The following ADGRB3 variants were observed in gnomAD, a reference collection of about 807,000 sequenced individuals.
ADGRB3 encodes brain-specific angiogenesis inhibitor 3.
A neutral mutation model predicts 193.4 loss-of-function variants in ADGRB3; 37 were observed. The ratio of observed to expected loss-of-function variants is 0.19; its 90% confidence interval spans 0.15 to 0.25. ADGRB3 has a LOEUF of 0.25. ADGRB3 is among the 10% of genes least tolerant of loss of function. The probability of loss-of-function intolerance (pLI) is 1.00; values close to 1 mark genes in which losing one functional copy is unlikely to be tolerated. For synonymous variants in ADGRB3, 690 were observed against 644.2 expected (o/e 1.07, Z -1.08); for missense variants, 1,637 against 1,852.9 (o/e 0.88, Z 2.14).
At chr6:68,994,546 A>G (rs1019483862) in intron 11 of ADGRB3, among the ~76,000 whole-genome samples, 1 of 152,208 alleles carries the variant, frequency 6.6e-6, no homozygotes. Flanking sequence ...ATTTATTTCC[A>G]TAATAAAGTT....
intron 3 of ADGRB3, among the ~76,000 whole-genome samples, chr6:68,874,809 A>C (rs1050589066): frequency 2.0e-5 from 3 of 152,194 alleles, no homozygotes; most frequent in Admixed American, 2.0e-4. Context: ...TTGTTCAGTT[A>C]AGCAGTCTAT....
At chr6:68,690,920 T>C (rs1182997373) in intron 3 of ADGRB3, among the ~76,000 whole-genome samples, 1 of 152,146 alleles carries the variant, frequency 6.6e-6, no homozygotes, top group Non-Finnish European at 1.5e-5. Context: ...GAAAAGACTA[T>C]ACAAATAACT....
chr6:69,354,348 C>A lies in ADGRB3; in HGVS notation c.3555+20C>A, dbSNP rs373257377. ...ATCATGGTGAGTTTTTATTTTTCCC[C>A]GATTGTTAATTAACTCATGATTTCT... is the stretch of plus-strand genomic sequence containing the variant. On this transcript the variant is annotated intron_variant, in intron 27 of 31. Transcript: ENST00000370598. 4 of 1,566,560 alleles carry A rather than the reference C, an allele frequency of 2.6e-6. No homozygotes were observed.
chr6:69,292,417 A>C (rs1321273224), intron 20 of ADGRB3, among the ~76,000 whole-genome samples: 2 of 152,210 alleles, frequency 1.3e-5, no homozygotes, highest in African/African-American at 2.4e-5. Flanking sequence ...AGCATCCTGT[A>C]TATTCTCCTT....
At chr6:69,000,444 C>T (rs79133340) in intron 11 of ADGRB3, among the ~76,000 whole-genome samples, 11,873 of 152,090 alleles carry the variant, frequency 0.078, 585 homozygotes, top group Non-Finnish European at 0.12. Context: ...AACTCATAGC[C>T]GACAGCACTT....
chr6:69,346,373 C>T (rs1769088887), intron 26 of ADGRB3, among the ~76,000 whole-genome samples: 1 of 152,146 alleles, frequency 6.6e-6, no homozygotes, highest in Non-Finnish European at 1.5e-5. Context: ...CAGCATGGTA[C>T]TGGTACCAAA....
chr6:69,265,157 C>T (rs1767012769), intron 20 of ADGRB3, among the ~76,000 whole-genome samples: 1 of 151,894 alleles, frequency 6.6e-6, no homozygotes, highest in African/African-American at 2.4e-5. Context: ...GCTGGGAGTC[C>T]TGAAAATCAA....
At chr6:68,727,318 A>C (rs910242992) in intron 3 of ADGRB3, among the ~76,000 whole-genome samples, 1 of 151,690 alleles carries the variant, frequency 6.6e-6, no homozygotes, top group Non-Finnish European at 1.5e-5. Flanking sequence ...GTAATGATAT[A>C]GTTGAAAACT....
intron 11 of ADGRB3, among the ~76,000 whole-genome samples, chr6:68,998,076 C>T (rs966301657): frequency 6.6e-6 from 1 of 152,086 alleles, no homozygotes; most frequent in African/African-American, 2.4e-5. Context: ...TATTTTTAAA[C>T]GTTAGTACAA....
At chr6:69,334,372 C>A (rs1367372031) in intron 24 of ADGRB3, among the ~76,000 whole-genome samples, 1 of 152,110 alleles carries the variant, frequency 6.6e-6, no homozygotes, top group Non-Finnish European at 1.5e-5. Flanking sequence ...TAGCAAAAGA[C>A]TAAATTTAAT....
intron 3 of ADGRB3, among the ~76,000 whole-genome samples, chr6:68,729,294 T>C (rs1461861490): frequency 1.3e-5 from 2 of 151,570 alleles, no homozygotes; most frequent in Admixed American, 6.6e-5. Context: ...TACCCCTGGA[T>C]AAGTAGTTAG....
In ADGRB3 at chr6:68,921,681, T is replaced by A. The variant is rs1767047448; in HGVS notation, c.758-8878T>A. The stretch of plus-strand genomic sequence containing the variant: ...AGGGAATGATGTAGTTCAAGTACAT[T>A]TATATCTTCTTGGGCAGTTTTAAAA... On this transcript the variant is annotated intron_variant, in intron 3 of 31. Transcript: ENST00000370598. Among the ~76,000 whole-genome samples, 4 of 152,176 alleles carry A rather than the reference T, an allele frequency of 2.6e-5. No homozygotes were observed. The South Asian group carries it at 8.3e-4, about 32-fold the overall frequency.
chr6:68,885,142 A>AT (rs1289020284), intron 3 of ADGRB3, among the ~76,000 whole-genome samples: 1 of 152,148 alleles, frequency 6.6e-6, no homozygotes, highest in Non-Finnish European at 1.5e-5. Context: ...TGGTCAGGGC[A>AT]TTTTTTGGGG....
Position 68,857,601 on chromosome 6 carries a change from C to T in ADGRB3, c.758-72958C>T, listed in dbSNP as rs114617965. Among the ~76,000 whole-genome samples, 408 of 152,262 alleles carry T rather than the reference C, an allele frequency of 2.7e-3. 2 individuals carry two copies. The highest frequency in any genetic ancestry group is 9.4e-3 in the African/African-American group (389 of 41,548). Reference sequence around the variant, plus strand: ...CAATGTCTCTGTACCTGCATTGTATCTAGGAAGTAACTAATTTTCTTTTTA... The same window carrying T: ...CAATGTCTCTGTACCTGCATTGTATTTAGGAAGTAACTAATTTTCTTTTTA... On this transcript the variant is annotated intron_variant, in intron 3 of 31. Coordinates refer to ENST00000370598, the MANE Select transcript of ADGRB3 (RefSeq NM_001704.3).
At chr6:69,226,851 C>G (rs925560430) in intron 17 of ADGRB3, among the ~76,000 whole-genome samples, 3 of 152,172 alleles carry the variant, frequency 2.0e-5, no homozygotes, top group African/African-American at 7.2e-5. Context: ...CCTGAGCTAC[C>G]TCACATAATA....
intron 3 of ADGRB3, among the ~76,000 whole-genome samples, chr6:68,693,109 T>C (rs1254880365): frequency 6.6e-6 from 1 of 151,812 alleles, no homozygotes; most frequent in Non-Finnish European, 1.5e-5. Flanking sequence ...GTTGGTAGTG[T>C]GGAAAACTGG....
At chr6:69,128,397 A>T (rs574785003) in intron 17 of ADGRB3, among the ~76,000 whole-genome samples, 8 of 152,242 alleles carry the variant, frequency 5.3e-5, no homozygotes, top group African/African-American at 1.9e-4. Context: ...CTGTTAGGGG[A>T]TCTTGTGGTC....
At chr6:69,165,852 T>G (rs1775117344) in intron 17 of ADGRB3, among the ~76,000 whole-genome samples, 1 of 152,102 alleles carries the variant, frequency 6.6e-6, no homozygotes, top group South Asian at 2.1e-4. Flanking sequence ...AGGGTATTGT[T>G]TTTATCTTTA....
chr6:68,889,199 T>C (rs891643072), intron 3 of ADGRB3, among the ~76,000 whole-genome samples: 1 of 152,352 alleles, frequency 6.6e-6, no homozygotes, highest in Admixed American at 6.5e-5. Context: ...TAACAATGAC[T>C]AAACAAATTC....
Sources: allele counts gnomAD v4.1 joint callset (sites outside exome capture counted in the v4.1 genomes callset), GRCh38; gene constraint gnomAD v4.1.1; transcripts MANE v1.5; gene names NCBI Gene and HGNC (gene_info 2026-07-23, HGNC 2026-07-21).